GREB1L: variants seen among roughly 807,000 people sequenced by gnomAD.
GREB1L encodes GREB1 like retinoic acid receptor coactivator, also known as GREB1-like protein.
A neutral mutation model predicts 200.8 loss-of-function variants in GREB1L; 17 were observed. The ratio of observed to expected loss-of-function variants is 0.08; its 90% confidence interval spans 0.06 to 0.13. The LOEUF is 0.13. Ranked by LOEUF, GREB1L falls within the 10% of genes least tolerant of loss-of-function variation. GREB1L has a pLI of 1.00. For synonymous variants in GREB1L, 789 were observed against 893.0 expected (o/e 0.88, Z 2.08); for missense variants, 1,657 against 2,367.7 (o/e 0.70, Z 6.23).
intron 15 of GREB1L, among the ~76,000 whole-genome samples, chr18:21,461,052 G>T (rs557027522): frequency 5.3e-4 from 79 of 148,998 alleles, no homozygotes; most frequent in African/African-American, 1.7e-3. Flanking sequence ...AGCCGAGATC[G>T]CATCACTGCA....
intron 7 of GREB1L, among the ~76,000 whole-genome samples, chr18:21,424,612 AAACT>A (rs978446028): frequency 6.6e-6 from 1 of 152,176 alleles, no homozygotes; most frequent in Non-Finnish European, 1.5e-5. Flanking sequence ...AAAATAAAAT[AAACT>A]GACAACTTTA....
chr18:21,259,083 C>T (rs778958485), intron 1 of GREB1L, among the ~76,000 whole-genome samples: 1 of 152,054 alleles, frequency 6.6e-6, no homozygotes, highest in Non-Finnish European at 1.5e-5. Flanking sequence ...TGGGAGATTA[C>T]CAGACATCTG....
intron 1 of GREB1L, among the ~76,000 whole-genome samples, chr18:21,308,550 G>A (rs1472487927): frequency 5.3e-5 from 8 of 152,356 alleles, no homozygotes; most frequent in South Asian, 4.1e-4. Context: ...TTGGGAGAAC[G>A]TGGAGGGATG....
intron 10 of GREB1L, 108 bp downstream of exon 10, chr18:21,441,645 AT>A (rs2033909271): frequency 9.4e-7 from 1 of 1,061,154 alleles, no homozygotes; most frequent in African/African-American, 1.6e-5. Context: ...CCATCTGTTG[AT>A]TCTGTCAGCT....
intron 1 of GREB1L, among the ~76,000 whole-genome samples, chr18:21,302,671 G>A (rs889257829): frequency 2.6e-5 from 4 of 152,184 alleles, no homozygotes; most frequent in South Asian, 4.1e-4. Flanking sequence ...GGTCTGGTCT[G>A]TTGGAGCTTA....
chr18:21,445,138 ACACT>A (rs1437470644), intron 11 of GREB1L, among the ~76,000 whole-genome samples: 1 of 152,258 alleles, frequency 6.6e-6, no homozygotes, highest in East Asian at 1.9e-4. Context: ...ATCTAATTAT[ACACT>A]CACTCTATCA....
At chr18:21,502,717 G>T (rs890527302) in intron 23 of GREB1L, among the ~76,000 whole-genome samples, 3 of 151,980 alleles carry the variant, frequency 2.0e-5, no homozygotes, top group Admixed American at 6.6e-5. Context: ...ACACCCCAAG[G>T]CCCCCAGAAA....
chr18:21,259,320 C>G lies in GREB1L; in HGVS notation c.-120+16927C>G, dbSNP rs1180590096. On this transcript the variant is annotated intron_variant, in intron 1 of 32. Coordinates refer to ENST00000424526, the MANE Select transcript of GREB1L (RefSeq NM_001142966.3). ...TAAAAATAATTTTCTCATAATTTTT[C>G]TACTGTGCAAGAGGTGTTTATTCAG... Among the ~76,000 whole-genome samples the G allele has an allele frequency of 2.0e-5, 3 of 152,228 alleles. No homozygotes were observed. The East Asian group carries it at 5.8e-4, about 29-fold the overall frequency.
intron 5 of GREB1L, among the ~76,000 whole-genome samples, chr18:21,397,892 C>T (rs1210689595): frequency 6.6e-6 from 1 of 152,132 alleles, no homozygotes; most frequent in Non-Finnish European, 1.5e-5. Flanking sequence ...CGTAGGGACA[C>T]AACAGTTAAA....
At chr18:21,447,340 A>G (rs936975304) in intron 11 of GREB1L, among the ~76,000 whole-genome samples, 1 of 152,140 alleles carries the variant, frequency 6.6e-6, no homozygotes, top group Non-Finnish European at 1.5e-5. Context: ...TGAAAAAGTG[A>G]TAGTTGATTT....
chr18:21,481,463 GTGTGTGTGTGTGTGTA>G (rs1191757398), intron 17 of GREB1L, among the ~76,000 whole-genome samples: 3 of 139,488 alleles, frequency 2.2e-5, no homozygotes, highest in Admixed American at 7.1e-5. Flanking sequence ...GTGTGTGTGT[GTGTGTGTGTGTGTGTA>G]TATATATATA....
chr18:21,399,538 G>A (rs1404801541), intron 5 of GREB1L, among the ~76,000 whole-genome samples: 1 of 151,974 alleles, frequency 6.6e-6, no homozygotes, highest in African/African-American at 2.4e-5. Context: ...GATAACTTTA[G>A]TGACCTAGAC....
intron 23 of GREB1L, among the ~76,000 whole-genome samples, chr18:21,501,260 T>C (rs2036780833): frequency 6.6e-6 from 1 of 151,460 alleles, no homozygotes. Flanking sequence ...TTTTTTTTTT[T>C]TAATTTAAGT....
intron 7 of GREB1L, among the ~76,000 whole-genome samples, chr18:21,410,213 T>C (rs1318165845): frequency 6.6e-6 from 1 of 152,132 alleles, no homozygotes; most frequent in African/African-American, 2.4e-5. Flanking sequence ...ACTAATAGTA[T>C]GGCTTTTAGG....
At position 21,468,023 on chromosome 18, in the gene GREB1L, T is replaced by TG. The variant is rs754865313; in HGVS notation, c.2183-5007dup. Among the ~76,000 whole-genome samples, 149 of 128,996 alleles carry TG rather than the reference T, an allele frequency of 1.2e-3. No homozygotes were observed. In the Middle Eastern group the frequency reaches 0.014, roughly 12 times the overall value. 84.6% of individuals were successfully genotyped at this position (128,996 alleles called of 152,430 possible). ...CTGGGCAACAGAGCGAGACTCCATC[T>TG]GAAAAAAAAAAAAAAAAAGATACGA... On this transcript the variant is annotated intron_variant, in intron 15 of 32. Transcript: ENST00000424526.
intron 1 of GREB1L, among the ~76,000 whole-genome samples, chr18:21,300,656 T>C (rs2038603257): frequency 6.6e-6 from 1 of 152,240 alleles, no homozygotes; most frequent in Non-Finnish European, 1.5e-5. Flanking sequence ...TTTCACCTAG[T>C]CTGTCCATCT....
chr18:21,438,779 A>T (rs2033703711), intron 7 of GREB1L, among the ~76,000 whole-genome samples: 1 of 151,678 alleles, frequency 6.6e-6, no homozygotes, highest in African/African-American at 2.4e-5. Context: ...TAACACGGTG[A>T]AACCCCATCT....
intron 1 of GREB1L, among the ~76,000 whole-genome samples, chr18:21,324,017 C>G (rs1460476669): frequency 6.6e-6 from 1 of 152,064 alleles, no homozygotes; most frequent in African/African-American, 2.4e-5. Context: ...ATTGGAGATT[C>G]TGAAGGGAGA....
At chr18:21,380,402 C>G (rs1052740002) in intron 2 of GREB1L, 1 of 152,132 alleles carries the variant, frequency 6.6e-6, no homozygotes, top group Non-Finnish European at 1.5e-5. Context: ...TCAACCAGTC[C>G]TCCAGGGACT....
Sources: gnomAD v4.1 joint callset for allele counts (sites outside exome capture counted in the v4.1 genomes callset) on GRCh38, gnomAD v4.1.1 for gene constraint, MANE v1.5 for transcripts, NCBI Gene and HGNC (gene_info 2026-07-23, HGNC 2026-07-21) for gene names.